The following SFTPD variants were observed in gnomAD, a reference collection of about 807,000 sequenced individuals.
The protein encoded by SFTPD is pulmonary surfactant-associated protein D.
SFTPD carries 18 observed loss-of-function variants against 34.6 expected under a neutral mutation model. The observed-to-expected ratio is 0.52, with a 90% CI of 0.36 to 0.77. The LOEUF is 0.77. SFTPD is among the 30% of genes least tolerant of loss of function. The pLI is 0.00. For missense variants in SFTPD, 433 were observed against 468.9 expected, an observed-to-expected ratio of 0.92 and a Z score of 0.71; for synonymous variants, 155 against 180.9, an observed-to-expected ratio of 0.86 and a Z score of 1.15.
intron 1 of SFTPD, among the ~76,000 whole-genome samples, chr10:79,974,860 G>A (rs1319526182): frequency 6.6e-6 from 1 of 152,210 alleles, no homozygotes; most frequent in African/African-American, 2.4e-5. Context: ...AAATATAGAG[G>A]TGTAAAGTGG....
intron 1 of SFTPD, among the ~76,000 whole-genome samples, chr10:79,961,810 T>C (rs1282874548): frequency 3.3e-5 from 5 of 151,868 alleles, no homozygotes; most frequent in East Asian, 3.9e-4. Flanking sequence ...ACCCAAAGGA[T>C]TATAAATCAT....
At chr10:79,938,402 C>T (rs1279669137) in intron 7 of SFTPD, among the ~76,000 whole-genome samples, 174 bp from the exon 8 acceptor site, 3 of 152,116 alleles carry the variant, frequency 2.0e-5, no homozygotes, top group African/African-American at 7.2e-5. Context: ...GTCCCATGAC[C>T]TACCCTGTGA....
In SFTPD at chr10:79,938,161, T is replaced by C. The variant is rs201301752; in HGVS notation, c.819A>G (p.Pro273=). 7.5e-6 allele frequency: 12 copies of C among 1,610,200 alleles called. No homozygotes were observed. The African/African-American group carries it at 1.3e-4, about 18-fold the overall frequency. ...TGCACAGCAGCTGTGCCTCCGTAAA[T>C]GGTTTTACAAAGCCTGCTGTCTTGA... ...KIFKTAGFVK[P]FTEAQLLCTQ... The change falls in exon 8 of 8, where the codon CCA becomes CCG. Residue 273 remains proline (P), a synonymous_variant. Transcript: ENST00000372292.
At chr10:79,947,894 A>G (rs764789778) in intron 1 of SFTPD, among the ~76,000 whole-genome samples, 3 of 152,186 alleles carry the variant, frequency 2.0e-5, no homozygotes, top group Admixed American at 6.5e-5. Flanking sequence ...GAGAAACCGT[A>G]AAGTTATGAG....
chr10:79,945,353 G>A (rs554014701), intron 2 of SFTPD, among the ~76,000 whole-genome samples: 8 of 151,634 alleles, frequency 5.3e-5, no homozygotes, highest in South Asian at 2.1e-4. Context: ...TCCCATTCAC[G>A]TTGGGAGCCA....
At chr10:79,948,351 G>C (rs1262799131) in intron 1 of SFTPD, among the ~76,000 whole-genome samples, 1 of 152,198 alleles carries the variant, frequency 6.6e-6, no homozygotes, top group Non-Finnish European at 1.5e-5. Context: ...GGCACAGAAG[G>C]CACCAGCAGC....
At chr10:79,972,474 G>A (rs11200979) in intron 1 of SFTPD, 11,819 of 151,658 alleles carry the variant, frequency 0.078, 890 homozygotes, top group East Asian at 0.39. Flanking sequence ...ACTCCAGCCT[G>A]GGCGACAGTG....
rs775137323 is a variant in SFTPD, at chr10:79,942,920, C to A, written c.200-41G>T. On this transcript the variant is annotated intron_variant, in intron 2 of 7. Transcript: ENST00000372292. ...AAATGGACAAAGACCTGGCCCTAGACCCAGAAAGGGCCAGCCTCCTGCAGG... is the reference window on the plus strand; with the variant it reads ...AAATGGACAAAGACCTGGCCCTAGAACCAGAAAGGGCCAGCCTCCTGCAGG... 1.2e-5 allele frequency: 16 copies of A among 1,342,554 alleles called. No homozygotes were observed. In the South Asian group the frequency reaches 1.9e-4, roughly 16 times the overall value. 83.2% of individuals were successfully genotyped at this position (1,342,554 alleles called of 1,614,324 possible).
At chr10:79,981,282 G>A (rs1359121878) in intron 1 of SFTPD, among the ~76,000 whole-genome samples, 2 of 151,668 alleles carry the variant, frequency 1.3e-5, no homozygotes, top group Admixed American at 6.6e-5. Context: ...AATACACAGG[G>A]GAGTCAAAAG....
chr10:79,946,500 C>T lies in SFTPD; in HGVS notation c.160G>A (p.Asp54Asn), dbSNP rs1298598399. ...TCGCCCCGAGGGCCCTCTCTCCCAT[C>T]CCGTCCATCGCGACCAGGCAGGCCA... ...ESGLPGRDGR[D>N]GREGPRGEKG... Residue 54 changes from aspartate (D) to asparagine (N), a missense_variant, in exon 2 of 8, where the codon GAT becomes AAT. Asp to Asn is a conservative substitution (Grantham distance 23). Coordinates refer to ENST00000372292, the MANE Select transcript of SFTPD (RefSeq NM_003019.5). 1 of 1,614,052 alleles carries T rather than the reference C, an allele frequency of 6.2e-7. No individual in the cohort carries two copies. Among genetic ancestry groups the T allele is most frequent in the East Asian group, 2.2e-5 (1 of 44,884 alleles).
intron 1 of SFTPD, among the ~76,000 whole-genome samples, chr10:79,975,914 G>A (rs144505831): frequency 1.3e-5 from 2 of 152,352 alleles, no homozygotes; most frequent in African/African-American, 2.4e-5. Context: ...CCTTTAAGCG[G>A]TTTTCCACCC....
chr10:79,944,799 G>A lies in SFTPD; in HGVS notation c.199+1662C>T, dbSNP rs962238697. ...TCATATTTACCCTCCATGATACGTC[G>A]GGGATGTCACCAGAGTGACTCAAGC... is the stretch of plus-strand genomic sequence containing the variant. On this transcript the variant is annotated intron_variant, in intron 2 of 7. Transcript: ENST00000372292. 3.9e-5 allele frequency among the ~76,000 whole-genome samples: 6 copies of A among 152,076 alleles called. No homozygotes were observed. In the South Asian group the frequency reaches 6.2e-4, roughly 16 times the overall value.
chr10:79,939,555 G>T (rs760467611), intron 7 of SFTPD, among the ~76,000 whole-genome samples: 3 of 152,214 alleles, frequency 2.0e-5, no homozygotes, highest in African/African-American at 7.2e-5. Flanking sequence ...ATGAGCTCAT[G>T]TATGTAGATG....
intron 1 of SFTPD, among the ~76,000 whole-genome samples, chr10:79,978,877 G>A (rs987791293): frequency 1.3e-5 from 2 of 151,056 alleles, no homozygotes; most frequent in Admixed American, 1.3e-4. Context: ...GAAAGAAAAG[G>A]CACCCAAATG....
chr10:79,956,931 C>T (rs1418321315), intron 1 of SFTPD, among the ~76,000 whole-genome samples: 7 of 152,034 alleles, frequency 4.6e-5, no homozygotes, highest in Admixed American at 1.3e-4. Context: ...CTCACACGGC[C>T]GGGTACTCCT....
intron 1 of SFTPD, among the ~76,000 whole-genome samples, chr10:79,956,927 C>T (rs550414173): frequency 1.1e-4 from 16 of 152,240 alleles, no homozygotes; most frequent in South Asian, 2.1e-4. Flanking sequence ...ACACCTCACA[C>T]GGCCGGGTAC....
At chr10:79,979,170 T>G (rs1232906213) in intron 1 of SFTPD, among the ~76,000 whole-genome samples, 1 of 151,982 alleles carries the variant, frequency 6.6e-6, no homozygotes, top group East Asian at 1.9e-4. Context: ...ATAAAATATC[T>G]AGGAATAAAT....
At chr10:79,966,847 T>C (rs1406668748) in intron 1 of SFTPD, among the ~76,000 whole-genome samples, 1 of 147,424 alleles carries the variant, frequency 6.8e-6, no homozygotes, top group Non-Finnish European at 1.5e-5. Flanking sequence ...GGGAATCCTT[T>C]CCCCATTGCT....
chr10:79,948,672 ACCCCAG>A (rs1198790836), intron 1 of SFTPD, among the ~76,000 whole-genome samples: 1 of 152,034 alleles, frequency 6.6e-6, no homozygotes, highest in African/African-American at 2.4e-5. Flanking sequence ...TGGGTTTAGA[ACCCCAG>A]CCTGTGAGTG....
Sources: gnomAD v4.1 joint callset for allele counts (sites outside exome capture counted in the v4.1 genomes callset) on GRCh38, gnomAD v4.1.1 for gene constraint, MANE v1.5 for transcripts, NCBI Gene and HGNC (gene_info 2026-07-23, HGNC 2026-07-21) for gene names.